The following NEGR1 variants were observed in gnomAD, a reference collection of about 807,000 sequenced individuals.
NEGR1 encodes the protein IgLON family member 4.
In NEGR1, 10 loss-of-function variants were observed where a neutral mutation model predicts 40.9. The ratio of observed to expected loss-of-function variants is 0.24; its 90% CI spans 0.15 to 0.42. The LOEUF (loss-of-function observed/expected upper bound fraction) is 0.42, where lower values mean the gene tolerates loss of function less well. Ranked by LOEUF, NEGR1 falls within the 10% of genes least tolerant of loss-of-function variation. NEGR1 has a pLI of 1.00. For synonymous variants in NEGR1, 185 were observed against 166.8 expected, an observed-to-expected ratio of 1.11 and a Z score of -0.84; for missense variants, 352 against 438.9, an observed-to-expected ratio of 0.80 and a Z score of 1.77.
At chr1:71,817,474 A>T (rs1478277358) in intron 2 of NEGR1, among the ~76,000 whole-genome samples, 1 of 152,064 alleles carries the variant, frequency 6.6e-6, no homozygotes, top group African/African-American at 2.4e-5. Flanking sequence ...CATAGGCGCT[A>T]TTCCCTAATA....
intron 6 of NEGR1, among the ~76,000 whole-genome samples, chr1:71,505,235 T>G (rs1647024136): frequency 6.6e-6 from 1 of 152,136 alleles, no homozygotes; most frequent in Admixed American, 6.5e-5. Flanking sequence ...TAGATCAAAT[T>G]GTTCAGACTC....
At chr1:72,130,577 G>T (rs1650208778) in intron 1 of NEGR1, among the ~76,000 whole-genome samples, 1 of 151,930 alleles carries the variant, frequency 6.6e-6, no homozygotes, top group Admixed American at 6.6e-5. Flanking sequence ...GACAATTTGG[G>T]GCAGTCCCTT....
intron 2 of NEGR1, among the ~76,000 whole-genome samples, chr1:71,801,551 A>G (rs1370393462): frequency 6.6e-6 from 1 of 152,144 alleles, no homozygotes; most frequent in African/African-American, 2.4e-5. Flanking sequence ...TCAGTTAATC[A>G]TAACTAGTTT....
chr1:71,862,987 T>C (rs1659996798), intron 2 of NEGR1, among the ~76,000 whole-genome samples: 1 of 152,176 alleles, frequency 6.6e-6, no homozygotes, highest in African/African-American at 2.4e-5. Flanking sequence ...GGAATGCTTT[T>C]ACACTGTTGG....
Position 72,029,539 on chromosome 1 carries a change from T to C in NEGR1, c.177-94228A>G, listed in dbSNP as rs554689535. On this transcript the variant is annotated intron_variant, in intron 1 of 6. Transcript: ENST00000357731. The stretch of plus-strand genomic sequence containing the variant: ...GTATTGTGTGCCTGTAACGGAGTCA[T>C]TTTGACGTGTTTATTGACAAGTAAT... Among the ~76,000 whole-genome samples, 3 of 152,284 alleles carry C rather than the reference T, an allele frequency of 2.0e-5. No homozygotes were observed. In the South Asian group the frequency reaches 6.2e-4, roughly 32 times the overall value.
chr1:71,884,902 T>C (rs925089616), intron 2 of NEGR1, among the ~76,000 whole-genome samples: 2 of 152,218 alleles, frequency 1.3e-5, no homozygotes, highest in Non-Finnish European at 2.9e-5. Context: ...TTTCTAGGTG[T>C]ATGAAATAAT....
intron 6 of NEGR1, among the ~76,000 whole-genome samples, chr1:71,495,605 T>C (rs1328128613): frequency 6.6e-6 from 1 of 152,090 alleles, no homozygotes; most frequent in Non-Finnish European, 1.5e-5. Context: ...ACAAAATTTG[T>C]CACAGACATA....
intron 1 of NEGR1, among the ~76,000 whole-genome samples, chr1:71,954,909 G>T (rs1319809747): frequency 6.6e-6 from 1 of 152,048 alleles, no homozygotes; most frequent in Non-Finnish European, 1.5e-5. Flanking sequence ...TGTATATGGT[G>T]ATAACCTAGA....
At chr1:71,450,652 C>G (rs773536348) in intron 6 of NEGR1, among the ~76,000 whole-genome samples, 1 of 148,756 alleles carries the variant, frequency 6.7e-6, no homozygotes, top group Non-Finnish European at 1.5e-5. Context: ...ACTAGAAATA[C>G]GAAAAAAATT....
chr1:71,561,347 A>G (rs545683486), intron 6 of NEGR1, among the ~76,000 whole-genome samples: 1 of 151,714 alleles, frequency 6.6e-6, no homozygotes, highest in African/African-American at 2.4e-5. Flanking sequence ...TAATTTTAAT[A>G]GGGCCTACTT....
At chr1:72,265,997 G>C (rs1293156375) in intron 1 of NEGR1, among the ~76,000 whole-genome samples, 1 of 150,764 alleles carries the variant, frequency 6.6e-6, no homozygotes, top group African/African-American at 2.4e-5. Flanking sequence ...CTTTGAGATA[G>C]CATTAAATTT....
At chr1:72,258,396 A>G (rs1256319245) in intron 1 of NEGR1, among the ~76,000 whole-genome samples, 3 of 152,198 alleles carry the variant, frequency 2.0e-5, no homozygotes, top group African/African-American at 7.2e-5. Context: ...GTGAGTGATC[A>G]TTCAGTAAAC....
chr1:72,214,306 A>G lies in NEGR1; in HGVS notation c.176+68013T>C, dbSNP rs1174976454. On this transcript the variant is annotated intron_variant, in intron 1 of 6. Transcript: ENST00000357731. Reference sequence around the variant, plus strand: ...AAGGATTCCTTTTGAAAACCGGCACAAGACAAGGATGCCCTCTCTCACCAC... The same window carrying G: ...AAGGATTCCTTTTGAAAACCGGCACGAGACAAGGATGCCCTCTCTCACCAC... 3.3e-5 allele frequency among the ~76,000 whole-genome samples: 5 copies of G among 152,240 alleles called. No homozygotes were observed. In the East Asian group the frequency reaches 9.7e-4, roughly 29 times the overall value.
intron 1 of NEGR1, among the ~76,000 whole-genome samples, chr1:72,268,900 CTTT>C (rs58064544): frequency 0.098 from 14,787 of 151,116 alleles, 2,434 homozygotes; most frequent in African/African-American, 0.34. Context: ...GTTTGAAAGC[CTTT>C]TTTAACAATA....
At chr1:71,736,035 C>G (rs185907804) in intron 3 of NEGR1, among the ~76,000 whole-genome samples, 1 of 152,026 alleles carries the variant, frequency 6.6e-6, no homozygotes, top group Admixed American at 6.6e-5. Context: ...TCACAACCTC[C>G]CTAGATTATT....
chr1:71,733,231 T>C (rs910552265), intron 3 of NEGR1, among the ~76,000 whole-genome samples: 1 of 152,154 alleles, frequency 6.6e-6, no homozygotes, highest in Admixed American at 6.6e-5. Flanking sequence ...ATCTGATATA[T>C]CTGCTGCTCT....
intron 2 of NEGR1, among the ~76,000 whole-genome samples, chr1:71,895,741 A>G (rs866666906): frequency 6.6e-6 from 1 of 152,220 alleles, no homozygotes. Flanking sequence ...TGTCATCAGT[A>G]ACGCTGCTAA....
At chr1:71,935,508 GT>G (rs1179531780) in intron 1 of NEGR1, among the ~76,000 whole-genome samples, 197 bp from the exon 2 acceptor site, 3 of 142,650 alleles carry the variant, frequency 2.1e-5, no homozygotes, top group African/African-American at 5.6e-5. Flanking sequence ...CTTGTGTACA[GT>G]TTTTTTAAGT....
At chr1:71,461,505 C>G (rs1452118787) in intron 6 of NEGR1, 2 of 152,160 alleles carry the variant, frequency 1.3e-5, no homozygotes, top group Non-Finnish European at 2.9e-5. Context: ...AATAAGCAAA[C>G]TGGCCGACAA....
Sources: gnomAD v4.1 joint callset for allele counts (sites outside exome capture counted in the v4.1 genomes callset) on GRCh38, gnomAD v4.1.1 for gene constraint, MANE v1.5 for transcripts, NCBI Gene and HGNC (gene_info 2026-07-23, HGNC 2026-07-21) for gene names.